Variants in ACTR3C observed in about 807,000 individuals in gnomAD.
ACTR3C encodes the protein actin-related protein 3C.
A neutral mutation model predicts 26.3 loss-of-function variants in ACTR3C; 18 were observed. That is an observed-to-expected ratio of 0.68 (90% confidence interval 0.47 to 1.01). ACTR3C has a LOEUF of 1.01. Ranked by LOEUF, ACTR3C falls within the 50% of genes least tolerant of loss-of-function variation. The pLI is 0.00. For missense variants in ACTR3C, 184 were observed against 250.7 expected, an observed-to-expected ratio of 0.73 and a Z score of 1.80; for synonymous variants, 55 against 94.5, an observed-to-expected ratio of 0.58 and a Z score of 2.42.
chr7:149,882,877 G>A, the ACTR3C span, among the ~76,000 whole-genome samples: 4 of 152,194 alleles, frequency 2.6e-5, no homozygotes, highest in South Asian at 6.2e-4. Flanking sequence ...TATTGTGGCC[G>A]GGCCAGCTGT....
chr7:149,889,179 A>G, the ACTR3C span, among the ~76,000 whole-genome samples: 1 of 152,186 alleles, frequency 6.6e-6, no homozygotes, highest in Non-Finnish European at 1.5e-5. Flanking sequence ...CTAAGTTTTA[A>G]AAGTGGGCAA....
intron 1 of ACTR3C, among the ~76,000 whole-genome samples, chr7:150,314,607 T>G (rs1036662249): frequency 1.3e-5 from 2 of 152,062 alleles, no homozygotes; most frequent in African/African-American, 4.8e-5. Flanking sequence ...GAAGCAATAT[T>G]TTTGTGCTTT....
the ACTR3C span, among the ~76,000 whole-genome samples, chr7:150,114,356 C>A: frequency 8.6e-5 from 13 of 151,900 alleles, no homozygotes; most frequent in African/African-American, 3.1e-4. Flanking sequence ...GGCATTTTTT[C>A]CAGATCTGTA....
At chr7:149,956,897 C>T in the ACTR3C span, among the ~76,000 whole-genome samples, 6 of 152,158 alleles carry the variant, frequency 3.9e-5, no homozygotes, top group Non-Finnish European at 7.3e-5. Flanking sequence ...CTCCTTGATG[C>T]TTTAAATTTT....
chr7:150,305,365 C>T (rs1295131793), intron 1 of ACTR3C, among the ~76,000 whole-genome samples: 1 of 152,134 alleles, frequency 6.6e-6, no homozygotes, highest in African/African-American at 2.4e-5. Context: ...CCTGTCACCT[C>T]ACATGGGGTC....
At chr7:149,939,170 G>T in the ACTR3C span, among the ~76,000 whole-genome samples, 1 of 151,980 alleles carries the variant, frequency 6.6e-6, no homozygotes, top group South Asian at 2.1e-4. Context: ...AGTAGAGACG[G>T]AATTTCTCCA....
the ACTR3C span, among the ~76,000 whole-genome samples, chr7:149,966,790 C>G: frequency 6.6e-6 from 1 of 152,126 alleles, no homozygotes; most frequent in Non-Finnish European, 1.5e-5. Context: ...ACTAGTTCCT[C>G]TTTGTCTTCT....
At chr7:150,022,582 C>G in the ACTR3C span, among the ~76,000 whole-genome samples, 1 of 152,050 alleles carries the variant, frequency 6.6e-6, no homozygotes, top group Admixed American at 6.5e-5. Flanking sequence ...GCTTCAGGCC[C>G]AGGGAGTAGC....
At chr7:150,215,583 G>A in the ACTR3C span, among the ~76,000 whole-genome samples, 6 of 152,354 alleles carry the variant, frequency 3.9e-5, no homozygotes, top group African/African-American at 9.6e-5. Context: ...GTTGAGGTTC[G>A]TGGACTAATA....
chr7:150,266,177 T>C (rs1327749572), intron 6 of ACTR3C, among the ~76,000 whole-genome samples: 1 of 147,488 alleles, frequency 6.8e-6, no homozygotes, highest in Non-Finnish European at 1.5e-5. Context: ...AAATGTTTAT[T>C]ATAATACTTG....
At chr7:150,088,962 T>G in the ACTR3C span, among the ~76,000 whole-genome samples, 1 of 152,250 alleles carries the variant, frequency 6.6e-6, no homozygotes, top group African/African-American at 2.4e-5. Flanking sequence ...TCGCTTTTTT[T>G]GTTGGACAGC....
At chr7:150,301,691 G>C (rs1476516957) in intron 1 of ACTR3C, among the ~76,000 whole-genome samples, 1 of 151,694 alleles carries the variant, frequency 6.6e-6, no homozygotes, top group Non-Finnish European at 1.5e-5. Flanking sequence ...ATATTATTCA[G>C]CCTTAAAAAG....
chr7:150,161,160 T>G, the ACTR3C span, among the ~76,000 whole-genome samples: 11 of 146,838 alleles, frequency 7.5e-5, no homozygotes, highest in Non-Finnish European at 1.3e-4. Flanking sequence ...ACATCAGATA[T>G]GTGCTCTTCC....
the ACTR3C span, among the ~76,000 whole-genome samples, chr7:150,097,698 G>T: frequency 1.3e-5 from 2 of 151,286 alleles, no homozygotes; most frequent in African/African-American, 2.5e-5. Context: ...TGAACTCAAG[G>T]CTCCAAAACG....
chr7:149,884,584 T>C, the ACTR3C span, among the ~76,000 whole-genome samples: 1 of 149,060 alleles, frequency 6.7e-6, no homozygotes, highest in South Asian at 2.1e-4. Flanking sequence ...GTATGCAATT[T>C]TTGTCAACTT....
the ACTR3C span, among the ~76,000 whole-genome samples, chr7:149,996,644 A>G: frequency 1.3e-5 from 2 of 151,936 alleles, no homozygotes; most frequent in African/African-American, 4.8e-5. Context: ...ATTTTGCTCT[A>G]TTATAATCTA....
the ACTR3C span, among the ~76,000 whole-genome samples, chr7:150,048,332 G>T: frequency 2.6e-5 from 4 of 151,480 alleles, no homozygotes; most frequent in Non-Finnish European, 5.9e-5. Context: ...CGGCCCCTCC[G>T]CCCCCTTCCC....
At chr7:149,907,483 TCTCTCTCTC>T in the ACTR3C span, among the ~76,000 whole-genome samples, 10 of 43,850 alleles carry the variant, frequency 2.3e-4, no homozygotes, top group African/African-American at 6.8e-4. Context: ...TTCTCTTCTC[TCTCTCTCTC>T]TCTCTCTCTC....
chr7:150,130,672 G>T, the ACTR3C span, among the ~76,000 whole-genome samples: 1 of 152,308 alleles, frequency 6.6e-6, no homozygotes, highest in East Asian at 1.9e-4. Flanking sequence ...TCACAGAATT[G>T]CCTATGCATG....
Sources: gnomAD v4.1 joint callset for allele counts (sites outside exome capture counted in the v4.1 genomes callset) on GRCh38, gnomAD v4.1.1 for gene constraint, MANE v1.5 for transcripts, NCBI Gene and HGNC (gene_info 2026-07-23, HGNC 2026-07-21) for gene names.